CAMKMT: variants seen among roughly 807,000 people sequenced by gnomAD.
The protein encoded by CAMKMT is CaM KMT.
A neutral mutation model predicts 48.0 loss-of-function variants in CAMKMT; 53 were observed. That is an observed-to-expected ratio of 1.10 (90% CI 0.89 to 1.39). The LOEUF (loss-of-function observed/expected upper bound fraction) is 1.39. CAMKMT is among the 40% of genes most tolerant of loss of function. CAMKMT has a pLI of 0.00. For missense variants in CAMKMT, 428 were observed against 402.7 expected, an observed-to-expected ratio of 1.06 and a Z score of -0.54; for synonymous variants, 165 against 152.3, an observed-to-expected ratio of 1.08 and a Z score of -0.61.
chr2:44,480,331 C>T (rs1668903488), intron 3 of CAMKMT, among the ~76,000 whole-genome samples: 1 of 152,144 alleles, frequency 6.6e-6, no homozygotes, highest in Non-Finnish European at 1.5e-5. Flanking sequence ...CTCCACACAT[C>T]CAGAATAAAC....
intron 8 of CAMKMT, among the ~76,000 whole-genome samples, chr2:44,751,790 G>C (rs1372657595): frequency 2.6e-5 from 4 of 152,202 alleles, no homozygotes; most frequent in Non-Finnish European, 5.9e-5. Context: ...TTGGCTTATG[G>C]TTCTGCAGGC....
intron 9 of CAMKMT, among the ~76,000 whole-genome samples, chr2:44,760,594 G>C (rs983721244): frequency 7.0e-6 from 1 of 141,992 alleles, no homozygotes; most frequent in East Asian, 2.0e-4. Context: ...CTGGGCAACA[G>C]AGCGAGATTC....
chr2:44,567,173 G>C (rs1482289279), intron 3 of CAMKMT, among the ~76,000 whole-genome samples: 1 of 152,158 alleles, frequency 6.6e-6, no homozygotes, highest in Admixed American at 6.6e-5. Flanking sequence ...GGAGGAACAG[G>C]AATTTTTCTG....
chr2:44,749,583 C>G (rs180926382), intron 8 of CAMKMT, among the ~76,000 whole-genome samples: 1 of 152,310 alleles, frequency 6.6e-6, no homozygotes, highest in East Asian at 1.9e-4. Context: ...ATAGTAGATG[C>G]TCAACAAACC....
chr2:44,570,554 G>A (rs193003657), intron 3 of CAMKMT, among the ~76,000 whole-genome samples: 19 of 152,200 alleles, frequency 1.2e-4, no homozygotes, highest in African/African-American at 3.6e-4. Flanking sequence ...CTTCTGTGCC[G>A]TCAGAGCTAA....
intron 3 of CAMKMT, among the ~76,000 whole-genome samples, chr2:44,526,142 A>T (rs544810467): frequency 6.6e-6 from 1 of 151,710 alleles, no homozygotes; most frequent in East Asian, 2.0e-4. Flanking sequence ...CACAAGGACA[A>T]AAAACCTCTT....
intron 3 of CAMKMT, among the ~76,000 whole-genome samples, chr2:44,559,121 C>T (rs1161786402): frequency 6.6e-6 from 1 of 152,146 alleles, no homozygotes; most frequent in South Asian, 2.1e-4. Flanking sequence ...CTTAGATCCA[C>T]TAAAGCTATC....
intron 3 of CAMKMT, among the ~76,000 whole-genome samples, chr2:44,433,067 G>A (rs1572862575): frequency 6.6e-6 from 1 of 152,024 alleles, no homozygotes; most frequent in East Asian, 1.9e-4. Context: ...TGGCAGAGAG[G>A]AATTTGAACA....
rs114233007 is a variant in CAMKMT at position 44,671,229 on chromosome 2, C to T, written c.377-33054C>T. ...AGTCTCCTTCCCCAAAATCCTACCC[C>T]CTTTTTTCCTTCAAAATTGCACTTC... is the stretch of plus-strand genomic sequence containing the variant. On this transcript the variant is annotated intron_variant, in intron 3 of 10. Coordinates refer to ENST00000378494, the MANE Select transcript of CAMKMT (RefSeq NM_024766.5). Among the ~76,000 whole-genome samples the T allele has an allele frequency of 2.1e-3, 314 of 152,252 alleles. 1 individual carries two copies. Among genetic ancestry groups the T allele is most frequent in the Middle Eastern group, 0.01 (3 of 294 alleles).
At chr2:44,467,602 C>G (rs1302131953) in intron 3 of CAMKMT, among the ~76,000 whole-genome samples, 1 of 151,642 alleles carries the variant, frequency 6.6e-6, no homozygotes, top group African/African-American at 2.4e-5. Flanking sequence ...CCACCACCAC[C>G]AAAATATACT....
At position 44,640,526 on chromosome 2, in the gene CAMKMT, C is replaced by T. The variant is rs182079112; in HGVS notation, c.377-63757C>T. On this transcript the variant is annotated intron_variant, in intron 3 of 10. Transcript: ENST00000378494. ...CTGGCTGTATGGTTTGTCCAAGTTA[C>T]CTAACCTCTGTAGTCCTCAGTTTCC... is the stretch of plus-strand genomic sequence containing the variant. 3.2e-3 allele frequency among the ~76,000 whole-genome samples: 493 copies of T among 152,236 alleles called. 2 individuals carry two copies. Among genetic ancestry groups the T allele is most frequent in the African/African-American group, 0.011 (477 of 41,534 alleles).
chr2:44,553,238 C>T (rs1307727298), intron 3 of CAMKMT, among the ~76,000 whole-genome samples: 1 of 152,156 alleles, frequency 6.6e-6, no homozygotes, highest in Non-Finnish European at 1.5e-5. Context: ...GTGTAGATAG[C>T]ATATGAACCG....
At chr2:44,608,447 C>A (rs1362109530) in intron 3 of CAMKMT, among the ~76,000 whole-genome samples, 1 of 151,966 alleles carries the variant, frequency 6.6e-6, no homozygotes, top group Non-Finnish European at 1.5e-5. Flanking sequence ...TTATGGGGCA[C>A]CTATTGACAT....
chr2:44,700,651 C>A lies in CAMKMT; in HGVS notation c.377-3632C>A, dbSNP rs371988282. On this transcript the variant is annotated intron_variant, in intron 3 of 10. Transcript: ENST00000378494. ...AAGTTTGCTAGCTATCTTATATGGACGCAATTCATGCCGCCCCAAAACAAT... is the reference window on the plus strand; with the variant it reads ...AAGTTTGCTAGCTATCTTATATGGAAGCAATTCATGCCGCCCCAAAACAAT... 9.2e-5 allele frequency among the ~76,000 whole-genome samples: 14 copies of A among 152,268 alleles called. No individual in the cohort carries two copies. In the East Asian group the frequency reaches 2.7e-3, roughly 29 times the overall value.
chr2:44,390,547 G>A (rs1046780505), intron 3 of CAMKMT, among the ~76,000 whole-genome samples: 8 of 150,966 alleles, frequency 5.3e-5, no homozygotes, highest in African/African-American at 1.9e-4. Flanking sequence ...GGTGGGGGAG[G>A]GAGAGAGAGA....
At chr2:44,545,361 C>A (rs1026847116) in intron 3 of CAMKMT, among the ~76,000 whole-genome samples, 1 of 152,048 alleles carries the variant, frequency 6.6e-6, no homozygotes, top group East Asian at 1.9e-4. Context: ...CAAGTATATC[C>A]ATCTTTTATT....
intron 3 of CAMKMT, among the ~76,000 whole-genome samples, chr2:44,531,759 A>C (rs1313341165): frequency 6.6e-6 from 1 of 152,166 alleles, no homozygotes; most frequent in Non-Finnish European, 1.5e-5. Context: ...TTTGAATCTC[A>C]TGATATTACA....
At chr2:44,725,819 T>G (rs1232860198) in intron 7 of CAMKMT, among the ~76,000 whole-genome samples, 1 of 151,766 alleles carries the variant, frequency 6.6e-6, no homozygotes, top group South Asian at 2.1e-4. Flanking sequence ...ACTTCTAAGG[T>G]TCCAAGAGAA....
At chr2:44,536,996 G>GTA (rs1666812545) in intron 3 of CAMKMT, among the ~76,000 whole-genome samples, 1 of 151,916 alleles carries the variant, frequency 6.6e-6, no homozygotes, top group African/African-American at 2.4e-5. Flanking sequence ...CTCTCTCCAC[G>GTA]TACCAAAAAG....
Sources: gnomAD v4.1 joint callset for allele counts (sites outside exome capture counted in the v4.1 genomes callset) on GRCh38, gnomAD v4.1.1 for gene constraint, MANE v1.5 for transcripts, NCBI Gene and HGNC (gene_info 2026-07-23, HGNC 2026-07-21) for gene names.